EHMT1: variants seen among roughly 807,000 people sequenced by gnomAD.
EHMT1 encodes euchromatic histone lysine methyltransferase 1.
In EHMT1, 15 loss-of-function variants were observed where a neutral mutation model predicts 147.2. That is an observed-to-expected ratio of 0.10 (90% confidence interval 0.07 to 0.16). The LOEUF is 0.16. EHMT1 is among the 10% of genes least tolerant of loss of function. The pLI is 1.00. For synonymous variants in EHMT1, 795 were observed against 709.6 expected (o/e 1.12, Z -1.91); for missense variants, 1,587 against 1,772.4 (o/e 0.90, Z 1.88).
intron 1 of EHMT1, among the ~76,000 whole-genome samples, chr9:137,655,915 G>A (rs1414155004): frequency 6.6e-6 from 1 of 152,138 alleles, no homozygotes; most frequent in Non-Finnish European, 1.5e-5. Flanking sequence ...CTGTTTTAAA[G>A]TAATGATAAA....
chr9:137,643,931 A>G (rs1333397648), intron 1 of EHMT1, among the ~76,000 whole-genome samples: 1 of 152,212 alleles, frequency 6.6e-6, no homozygotes, highest in African/African-American at 2.4e-5. Flanking sequence ...CATCTGCAGC[A>G]TGCGTTGTCT....
rs1947120633 is a variant in EHMT1 at position 137,731,645 on chromosome 9, G to T, written c.823+3116G>T. Among the ~76,000 whole-genome samples the T allele has an allele frequency of 1.3e-5, 2 of 152,122 alleles. No individual in the cohort carries two copies. Among genetic ancestry groups the T allele is most frequent in the South Asian group, 4.1e-4 (2 of 4,828 alleles). ...GTCCCTTTGCTGGTCATAAACCTCT[G>T]CAGCCAGCGGCGCCTCTGCTTGAGT... On this transcript the variant is annotated intron_variant, in intron 4 of 26. Coordinates refer to ENST00000460843, the MANE Select transcript of EHMT1 (RefSeq NM_024757.5). This position sits in a 1 kb window ranked among gnomAD's most constrained non-coding sequence, Gnocchi z 4.3.
At chr9:137,751,686 T>C (rs1948981038) in intron 6 of EHMT1, among the ~76,000 whole-genome samples, 1 of 152,220 alleles carries the variant, frequency 6.6e-6, no homozygotes, top group Admixed American at 6.5e-5. Flanking sequence ...TCTGTTCTGG[T>C]GTGGAAAGAA....
chr9:137,697,928 TTGTGAGGG>T, intron 1 of EHMT1, among the ~76,000 whole-genome samples: 1 of 151,432 alleles, frequency 6.6e-6, no homozygotes, highest in African/African-American at 2.5e-5. Flanking sequence ...GATGGCACTG[TTGTGAGGG>T]CAGCGTGTGA....
In EHMT1 at chr9:137,715,419, C is replaced by T. The variant is rs1490795846; in HGVS notation, c.86-1207C>T. 1.0e-5 allele frequency: 4 copies of T among 397,672 alleles called. No homozygotes were observed. The Admixed American group carries it at 2.6e-4, about 26-fold the overall frequency. 24.6% of individuals were successfully genotyped at this position (397,672 alleles called of 1,614,324 possible). A position where few individuals can be genotyped will look rare whatever the true frequency, so the allele number is the denominator to read the frequency against. On this transcript the variant is annotated intron_variant, in intron 2 of 26. Transcript: ENST00000460843. ...TGCTCAGGGTACACTGGTAAACAGA[C>T]AGGGCATTTGCGCTCATAGGACTTA... is the stretch of plus-strand genomic sequence containing the variant.
intron 6 of EHMT1, among the ~76,000 whole-genome samples, chr9:137,751,769 C>T (rs901459371): frequency 3.3e-5 from 5 of 152,134 alleles, no homozygotes; most frequent in African/African-American, 1.2e-4. Context: ...TCTGTGCAGA[C>T]TAGAAATGCA....
Position 137,813,336 on chromosome 9 carries a change from C to T in EHMT1, c.3036-50C>T. 6.3e-7 allele frequency: 1 copy of T among 1,588,450 alleles called. No homozygotes were observed. The highest frequency in any genetic ancestry group is 8.5e-7 in the Non-Finnish European group (1 of 1,171,336). ...GCCCCACTGCACGCTGTGCCACCCC[C>T]TGGGCAGAGCACGTCAGCCACCAGG... On this transcript the variant is annotated intron_variant, in intron 20 of 26. Transcript: ENST00000460843. The surrounding 1 kb of genome is among the most constrained non-coding windows in gnomAD (Gnocchi z 4.9).
chr9:137,705,556 A>G lies in EHMT1; in HGVS notation c.22-5411A>G, dbSNP rs560066824. On this transcript the variant is annotated intron_variant, in intron 1 of 26. Transcript: ENST00000460843. Reference sequence around the variant, plus strand: ...TGGTGTGTACTCTACATTGTGCACAAGTTGTGGCACTAAAAATGTAAGGTC... The same window carrying G: ...TGGTGTGTACTCTACATTGTGCACAGGTTGTGGCACTAAAAATGTAAGGTC... Among the ~76,000 whole-genome samples the G allele has an allele frequency of 1.1e-4, 17 of 152,316 alleles. No individual in the cohort carries two copies. In the East Asian group the frequency reaches 3.3e-3, roughly 29 times the overall value.
intron 4 of EHMT1, among the ~76,000 whole-genome samples, chr9:137,739,714 GC>G (rs1947886338): frequency 6.6e-6 from 1 of 152,258 alleles, no homozygotes; most frequent in African/African-American, 2.4e-5. Context: ...CTTCCCTTGC[GC>G]TTTTTTGCTG....
chr9:137,653,045 C>T (rs974324626), intron 1 of EHMT1, among the ~76,000 whole-genome samples: 3 of 152,190 alleles, frequency 2.0e-5, no homozygotes, highest in East Asian at 1.9e-4. Flanking sequence ...GTGTAGCCTA[C>T]GTGTACAGTG....
At chr9:137,690,393 C>T in intron 1 of EHMT1, among the ~76,000 whole-genome samples, 1 of 151,726 alleles carries the variant, frequency 6.6e-6, no homozygotes. Context: ...GCTGTCATCC[C>T]AGCGCTTTGA....
intron 16 of EHMT1, among the ~76,000 whole-genome samples, chr9:137,797,897 C>G (rs1346698355): frequency 6.6e-6 from 1 of 152,198 alleles, no homozygotes; most frequent in Non-Finnish European, 1.5e-5. Flanking sequence ...GGAGCACAGG[C>G]AGGAAGAACC....
chr9:137,740,299 C>T (rs927286830), intron 4 of EHMT1, among the ~76,000 whole-genome samples: 12 of 152,156 alleles, frequency 7.9e-5, no homozygotes, highest in South Asian at 4.1e-4. Flanking sequence ...AGTCTTTGCT[C>T]GGGGTCCTGA....
chr9:137,645,280 G>C (rs927958489), intron 1 of EHMT1, among the ~76,000 whole-genome samples: 3 of 152,266 alleles, frequency 2.0e-5, no homozygotes, highest in African/African-American at 7.2e-5. Context: ...GCCGGAATTG[G>C]CTTGCGCCTT....
rs1950940746 is a variant in EHMT1, at chr9:137,776,167, G to T, written c.1792-451G>T. On this transcript the variant is annotated intron_variant, in intron 11 of 26. Transcript: ENST00000460843. This position sits in a 1 kb window ranked among gnomAD's most constrained non-coding sequence, Gnocchi z 4.4. ...GCAAGAAAATGCTGTTCTTACGGCT[G>T]TGTGCCCCTCCTCGAGGCTCACCTG... Among the ~76,000 whole-genome samples the T allele has an allele frequency of 6.6e-6, 1 of 152,200 alleles. No homozygotes were observed. The highest frequency in any genetic ancestry group is 6.5e-5 in the Admixed American group (1 of 15,280).
chr9:137,779,106 G>A (rs1451830329), intron 13 of EHMT1, among the ~76,000 whole-genome samples: 2 of 152,216 alleles, frequency 1.3e-5, no homozygotes, highest in Non-Finnish European at 2.9e-5. Flanking sequence ...ACATTTCAAC[G>A]TGAGTTTTGG....
intron 6 of EHMT1, among the ~76,000 whole-genome samples, chr9:137,749,489 A>G (rs1948807951): frequency 6.6e-6 from 1 of 152,042 alleles, no homozygotes; most frequent in Non-Finnish European, 1.5e-5. Context: ...CTCAGTCGAC[A>G]GCCTCTCACT....
At chr9:137,651,529 A>G (rs1277294342) in intron 1 of EHMT1, among the ~76,000 whole-genome samples, 5 of 152,100 alleles carry the variant, frequency 3.3e-5, no homozygotes, top group Non-Finnish European at 7.4e-5. Flanking sequence ...CACGCTTGTA[A>G]TCCCATCGCT....
chr9:137,648,739 T>C (rs557410882), intron 1 of EHMT1, among the ~76,000 whole-genome samples: 1 of 152,298 alleles, frequency 6.6e-6, no homozygotes, highest in Admixed American at 6.5e-5. Context: ...ATCCTTTATG[T>C]CTGTAAAAAT....
Sources: allele counts gnomAD v4.1 joint callset (sites outside exome capture counted in the v4.1 genomes callset), GRCh38; gene constraint gnomAD v4.1.1; non-coding constraint Gnocchi (gnomAD v3.1); transcripts MANE v1.5; gene names NCBI Gene and HGNC (gene_info 2026-07-23, HGNC 2026-07-21).